Variants in FARP2 observed in about 807,000 individuals in gnomAD.
FARP2 encodes the protein FERM, ARHGEF and pleckstrin domain-containing protein 2.
In FARP2, 111 loss-of-function variants were observed where a neutral mutation model predicts 130.5. The observed-to-expected ratio is 0.85, with a 90% CI of 0.73 to 1.00. The LOEUF (loss-of-function observed/expected upper bound fraction) is 1.00, where lower values mean the gene tolerates loss of function less well. Among genes scored for constraint, FARP2 ranks in the 50% least tolerant of loss-of-function variants. FARP2 has a pLI of 0.00. For missense variants in FARP2, 1,385 were observed against 1,346.3 expected (o/e 1.03, Z -0.45); for synonymous variants, 504 against 516.9 (o/e 0.98, Z 0.34).
intron 2 of FARP2, chr2:241,395,307 A>G (rs1170656887): frequency 2.0e-5 from 3 of 152,212 alleles, no homozygotes; most frequent in Non-Finnish European, 2.9e-5. Flanking sequence ...AGATGATTAT[A>G]CAATATACCA....
At chr2:241,493,593 CTTTGT>C (rs1559820767) in intron 26 of FARP2, 149 bp downstream of exon 26, 5 of 629,708 alleles carry the variant, frequency 7.9e-6, no homozygotes, top group East Asian at 2.9e-5. Flanking sequence ...AACAGCAATG[CTTTGT>C]TTTTTTTTTT....
At chr2:241,399,667 A>G (rs150301374) in intron 2 of FARP2, among the ~76,000 whole-genome samples, 7 of 152,134 alleles carry the variant, frequency 4.6e-5, no homozygotes, top group African/African-American at 1.4e-4. Flanking sequence ...CCTTTTTCCT[A>G]TCTTAACAGT....
chr2:241,442,023 T>G (rs2150417228), intron 13 of FARP2: 1 of 358,414 alleles, frequency 2.8e-6, no homozygotes, highest in South Asian at 2.1e-5. Flanking sequence ...GTTTTGCATT[T>G]GAGGAGGAAA....
chr2:241,460,029 A>G (rs929800783), intron 14 of FARP2, among the ~76,000 whole-genome samples: 3 of 152,118 alleles, frequency 2.0e-5, no homozygotes, highest in African/African-American at 7.2e-5. Context: ...CTTTCTATAG[A>G]ACAACATTCA....
chr2:241,477,554 A>C (rs2064505664), intron 19 of FARP2, among the ~76,000 whole-genome samples: 1 of 152,216 alleles, frequency 6.6e-6, no homozygotes, highest in African/African-American at 2.4e-5. Flanking sequence ...GTGGACGTTC[A>C]TGTACAAGTT....
chr2:241,454,266 A>G (rs1245789492), intron 13 of FARP2, among the ~76,000 whole-genome samples: 2 of 152,032 alleles, frequency 1.3e-5, no homozygotes, highest in Admixed American at 1.3e-4. Flanking sequence ...ACTGTCAACT[A>G]GTGGCTTGCT....
At position 241,441,306 on chromosome 2, in the gene FARP2, C is replaced by T; in HGVS notation, c.1161C>T (p.Ser387=). 1 of 1,574,878 alleles carries T rather than the reference C, an allele frequency of 6.3e-7. No homozygotes were observed. The highest frequency in any genetic ancestry group is 8.6e-7 in the Non-Finnish European group (1 of 1,159,382). The change falls in exon 13 of 27, where the codon AGC becomes AGT. Residue 387 remains serine (S), a splice_region_variant and synonymous_variant. Transcript: ENST00000264042. The part of the protein sequence containing the change: ...RALTADLPKQ[S]ISFPEGLRTP... The stretch of plus-strand genomic sequence containing the variant: ...CTTTTCTTAACTTTGGTTCCCAGAG[C>T]ATCTCATTCCCCGAGGGATTGAGGA...
In FARP2 at chr2:241,491,108, T is replaced by C. The variant is rs1480512675; in HGVS notation, c.2552T>C (p.Ile851Thr). Residue 851 changes from isoleucine to threonine, a missense_variant, in exon 23 of 27, where the codon ATC becomes ACC. Transcript: ENST00000264042. ...EKWMLDLNSA[I>T]QAAKSGGDTA... ...TGGATGCTGGACCTGAACTCCGCGA[T>C]CCAAGCAGCCAAGAGTGGCGGTGAC... is the stretch of plus-strand genomic sequence containing the variant. 7.4e-6 allele frequency: 12 copies of C among 1,613,446 alleles called. No individual in the cohort carries two copies. The highest frequency in any genetic ancestry group is 2.2e-5 in the South Asian group (2 of 91,068).
intron 13 of FARP2, among the ~76,000 whole-genome samples, chr2:241,447,434 C>G (rs1012665456): frequency 2.0e-5 from 3 of 152,122 alleles, no homozygotes; most frequent in Admixed American, 2.0e-4. Flanking sequence ...CTGGTGTGGC[C>G]TGCACGGCAG....
chr2:241,437,789 C>T (rs896937844), intron 12 of FARP2, among the ~76,000 whole-genome samples: 20 of 151,836 alleles, frequency 1.3e-4, no homozygotes, highest in African/African-American at 4.6e-4. Flanking sequence ...CTCAGCCTCC[C>T]GAGTAGCTGG....
In FARP2 at chr2:241,437,548, C is replaced by T. The variant is rs569422684; in HGVS notation, c.1158+1010C>T. Among the ~76,000 whole-genome samples, 7 of 151,918 alleles carry T rather than the reference C, an allele frequency of 4.6e-5. 1 individual carries two copies. In the South Asian group the frequency reaches 1.0e-3, roughly 23 times the overall value. ...TGGCATGATCTAGGCTCACTGCAAC[C>T]TCTGCTTCCTGGGTTCAAGTGATTC... On this transcript the variant is annotated intron_variant, in intron 12 of 26. Coordinates refer to ENST00000264042, the MANE Select transcript of FARP2 (RefSeq NM_014808.4).
chr2:241,404,735 A>T, intron 3 of FARP2, 64 bp from the exon 4 acceptor site: 2 of 1,285,688 alleles, frequency 1.6e-6, no homozygotes, highest in African/African-American at 1.5e-5. Context: ...TTGTTTTTAT[A>T]GCATACTTGT....
Position 241,417,258 on chromosome 2 carries a change from A to T in FARP2, c.624-704A>T, listed in dbSNP as rs1362527161. 2.0e-5 allele frequency among the ~76,000 whole-genome samples: 3 copies of T among 151,832 alleles called. No homozygotes were observed. The South Asian group carries it at 6.3e-4, about 32-fold the overall frequency. ...GGTTGCAGTGAGCCAAGATTGCACCATTTCACTCCAGCCTGAGCAGCAGAG... is the reference window on the plus strand; with the variant it reads ...GGTTGCAGTGAGCCAAGATTGCACCTTTTCACTCCAGCCTGAGCAGCAGAG... On this transcript the variant is annotated intron_variant, in intron 7 of 26. Coordinates refer to ENST00000264042, the MANE Select transcript of FARP2 (RefSeq NM_014808.4).
chr2:241,490,925 G>A (rs929625526), intron 22 of FARP2, 136 bp from the exon 23 acceptor site: 8 of 714,656 alleles, frequency 1.1e-5, no homozygotes, highest in East Asian at 5.0e-5. Flanking sequence ...GAGGGGACAC[G>A]TTTCCCAGTC....
At chr2:241,438,164 T>G (rs947866415) in intron 12 of FARP2, among the ~76,000 whole-genome samples, 10 of 152,124 alleles carry the variant, frequency 6.6e-5, no homozygotes, top group African/African-American at 2.4e-4. Context: ...GGTGCTACAG[T>G]TTCAACTTTT....
intron 11 of FARP2, 61 bp downstream of exon 11, chr2:241,435,091 T>G: frequency 6.4e-4 from 545 of 848,234 alleles, no homozygotes; most frequent in Middle Eastern, 9.9e-4. Context: ...TAAATATATA[T>G]ATGGAGAGAG....
rs546665216 is a variant in FARP2, at chr2:241,469,722, G to T, written c.2131+1345G>T. 4.0e-3 allele frequency among the ~76,000 whole-genome samples: 607 copies of T among 152,320 alleles called. 9 individuals are homozygous for T. Among genetic ancestry groups the T allele is most frequent in the Non-Finnish European group, 6.1e-3 (413 of 68,024 alleles). On this transcript the variant is annotated intron_variant, in intron 18 of 26. Transcript: ENST00000264042. ...TAGGCAGAGTGCTGGAGCAGAGGTT[G>T]GCCTGGGCCCGGGCCACCAGGGAAG... is the stretch of plus-strand genomic sequence containing the variant.
At chr2:241,491,274 G>A in intron 23 of FARP2, 95 bp downstream of exon 23, 3 of 970,030 alleles carry the variant, frequency 3.1e-6, no homozygotes, top group South Asian at 2.8e-5. Context: ...GGCCCGCTAA[G>A]TTCCCACACA....
intron 17 of FARP2, chr2:241,466,252 C>T (rs1574882113): frequency 2.0e-6 from 2 of 985,328 alleles, no homozygotes; most frequent in African/African-American, 3.5e-5. Flanking sequence ...CAAGTGTGGT[C>T]CCTGGAGCCC....
Sources: gnomAD v4.1 joint callset for allele counts (sites outside exome capture counted in the v4.1 genomes callset) on GRCh38, gnomAD v4.1.1 for gene constraint, MANE v1.5 for transcripts, NCBI Gene and HGNC (gene_info 2026-07-23, HGNC 2026-07-21) for gene names.